The following ARHGEF10 variants were observed in gnomAD, a reference collection of about 807,000 sequenced individuals.
ARHGEF10 encodes Rho guanine nucleotide exchange factor (GEF) 10.
Under a neutral mutation model 147.4 loss-of-function variants are expected in ARHGEF10, and 140 were observed. The ratio of observed to expected loss-of-function variants is 0.95; its 90% CI spans 0.83 to 1.09. The LOEUF is 1.09. Ranked by LOEUF, ARHGEF10 falls within the 50% of genes least tolerant of loss-of-function variation. ARHGEF10 has a pLI of 0.00. For missense variants in ARHGEF10, 2,222 were observed against 1,752.7 expected (o/e 1.27, Z -4.78); for synonymous variants, 902 against 695.8 (o/e 1.30, Z -4.67).
Position 1,876,563 on chromosome 8 carries a change from G to A in ARHGEF10, c.680-8G>A. On this transcript the variant is annotated splice_polypyrimidine_tract_variant and splice_region_variant and intron_variant, in intron 7 of 28. Coordinates refer to ENST00000349830, the MANE Select transcript of ARHGEF10 (RefSeq NM_014629.4). ...GTTTTAATTTCATTTTGGAATTTAT[G>A]CACTCAGATGAAATGATTTATGATG... 6.2e-7 allele frequency: 1 copy of A among 1,613,628 alleles called. No individual in the cohort carries two copies. Among genetic ancestry groups the A allele is most frequent in the Non-Finnish European group, 8.5e-7 (1 of 1,179,480 alleles).
At chr8:1,865,054 A>C (rs562863180) in intron 5 of ARHGEF10, among the ~76,000 whole-genome samples, 10 of 152,386 alleles carry the variant, frequency 6.6e-5, no homozygotes, top group Non-Finnish European at 1.2e-4. Context: ...CAAAAGGATG[A>C]AATTTTTCAA....
chr8:1,835,785 T>C (rs1403560339), intron 1 of ARHGEF10, among the ~76,000 whole-genome samples: 4 of 152,154 alleles, frequency 2.6e-5, no homozygotes, highest in South Asian at 2.1e-4. Flanking sequence ...TAAACACTTA[T>C]AGAAGGTGGG....
intron 7 of ARHGEF10, among the ~76,000 whole-genome samples, chr8:1,874,906 G>T (rs1400580973): frequency 4.2e-5 from 1 of 23,550 alleles, no homozygotes; most frequent in African/African-American, 1.5e-4. Context: ...GGCCGTGTAG[G>T]GGGTACAGGT....
At chr8:1,929,198 T>G in intron 24 of ARHGEF10, 88 bp from the exon 25 acceptor site, 1 of 1,423,320 alleles carries the variant, frequency 7.0e-7, no homozygotes, top group South Asian at 1.2e-5. Flanking sequence ...GAGGGAAGAG[T>G]TGAAATGTTT....
At chr8:1,912,922 G>C (rs1024621471) in intron 18 of ARHGEF10, among the ~76,000 whole-genome samples, 1 of 152,182 alleles carries the variant, frequency 6.6e-6, no homozygotes, top group Non-Finnish European at 1.5e-5. Context: ...GCCTGGTGCA[G>C]CGTCTTTGTT....
chr8:1,910,746 T>C (rs1220187760), intron 18 of ARHGEF10, among the ~76,000 whole-genome samples: 3 of 152,234 alleles, frequency 2.0e-5, no homozygotes, highest in African/African-American at 7.2e-5. Context: ...GAAACATTGA[T>C]TGGCAATCAA....
chr8:1,953,030 C>G (rs1202357885), intron 28 of ARHGEF10, among the ~76,000 whole-genome samples: 1 of 152,200 alleles, frequency 6.6e-6, no homozygotes, highest in Non-Finnish European at 1.5e-5. Flanking sequence ...CTTAGTAGTC[C>G]AAGGAGAATC....
chr8:1,832,303 CAG>C (rs1803164288), intron 1 of ARHGEF10, among the ~76,000 whole-genome samples: 1 of 151,914 alleles, frequency 6.6e-6, no homozygotes, highest in African/African-American at 2.4e-5. Context: ...TTGCTGTGGA[CAG>C]AGAGACAGGC....
chr8:1,863,286 C>T (rs1372368528), intron 4 of ARHGEF10, among the ~76,000 whole-genome samples: 2 of 152,210 alleles, frequency 1.3e-5, no homozygotes, highest in African/African-American at 4.8e-5. Context: ...TCGGGCATCT[C>T]GTGTCTGTTG....
At chr8:1,875,764 G>T (rs1259883901) in intron 7 of ARHGEF10, among the ~76,000 whole-genome samples, 2 of 152,242 alleles carry the variant, frequency 1.3e-5, no homozygotes, top group African/African-American at 2.4e-5. Flanking sequence ...GTGAAAGCAA[G>T]TGTTGGCTTT....
rs748137786 is a variant in ARHGEF10, at chr8:1,909,349, C to T, written c.2022C>T (p.Ser674=). Reference sequence around the variant, plus strand: ...GCCAGAGGTACTTGCTGAAGTGGAGCGTTCCACTGGGACATGTGGACGCCA... The same window carrying T: ...GCCAGAGGTACTTGCTGAAGTGGAGTGTTCCACTGGGACATGTGGACGCCA... ...MSSQRYLLKW[S]VPLGHVDAIE... Residue 674 remains serine (S), a synonymous_variant, in exon 18 of 29, where the codon AGC becomes AGT. Coordinates refer to ENST00000349830, the MANE Select transcript of ARHGEF10 (RefSeq NM_014629.4). 6.2e-6 allele frequency: 10 copies of T among 1,614,082 alleles called. No individual in the cohort carries two copies. The highest frequency in any genetic ancestry group is 1.7e-5 in the Admixed American group (1 of 59,990).
chr8:1,945,971 G>T, intron 27 of ARHGEF10: 1 of 498,166 alleles, frequency 2.0e-6, no homozygotes, highest in South Asian at 2.0e-5. Context: ...TCTCATCATC[G>T]GTGCAACAAG....
At chr8:1,896,930 G>C (rs545360594) in intron 14 of ARHGEF10, among the ~76,000 whole-genome samples, 1 of 152,338 alleles carries the variant, frequency 6.6e-6, no homozygotes, top group Middle Eastern at 3.4e-3. Flanking sequence ...CTCTGACCTG[G>C]CAGTGATGGG....
At chr8:1,854,881 G>A (rs2129066404) in intron 2 of ARHGEF10, among the ~76,000 whole-genome samples, 1 of 152,260 alleles carries the variant, frequency 6.6e-6, no homozygotes, top group African/African-American at 2.4e-5. Flanking sequence ...GAGAACGCAT[G>A]CGGTTCTTCT....
intron 26 of ARHGEF10, among the ~76,000 whole-genome samples, chr8:1,940,246 C>T (rs373566911): frequency 1.3e-5 from 2 of 152,176 alleles, no homozygotes; most frequent in Non-Finnish European, 2.9e-5. Context: ...ATGGAAGTCG[C>T]CTTCCTCTGC....
At chr8:1,896,238 G>A in intron 13 of ARHGEF10, 95 bp from the exon 14 acceptor site, 2 of 908,754 alleles carry the variant, frequency 2.2e-6, no homozygotes, top group Non-Finnish European at 1.9e-6. Flanking sequence ...GACCGAAAGA[G>A]TATTTTGAGG....
In ARHGEF10 at chr8:1,863,126, G is replaced by C. The variant is rs148237282; in HGVS notation, c.482-1247G>C. Among the ~76,000 whole-genome samples, 44 of 152,274 alleles carry C rather than the reference G, an allele frequency of 2.9e-4. No individual in the cohort carries two copies. In the East Asian group the frequency reaches 6.8e-3, roughly 23 times the overall value. ...TTGAGGCAGTGTGGCAGTGTGGGAA[G>C]GGCAGTTTTTGGAGCAGGCAGATTG... On this transcript the variant is annotated intron_variant, in intron 4 of 28. Coordinates refer to ENST00000349830, the MANE Select transcript of ARHGEF10 (RefSeq NM_014629.4).
chr8:1,828,862 CACTT>C (rs1465088870), intron 1 of ARHGEF10, among the ~76,000 whole-genome samples: 2 of 151,988 alleles, frequency 1.3e-5, no homozygotes, highest in Admixed American at 6.6e-5. Context: ...GTGGCATGCG[CACTT>C]ACTGTTTTAT....
intron 27 of ARHGEF10, among the ~76,000 whole-genome samples, chr8:1,951,752 T>G (rs1051075950): frequency 1.3e-5 from 2 of 152,230 alleles, no homozygotes; most frequent in Non-Finnish European, 2.9e-5. Context: ...ACACTGGGGA[T>G]TAGCTTTTCT....
Sources: gnomAD v4.1 joint callset for allele counts (sites outside exome capture counted in the v4.1 genomes callset) on GRCh38, gnomAD v4.1.1 for gene constraint, MANE v1.5 for transcripts, NCBI Gene and HGNC (gene_info 2026-07-23, HGNC 2026-07-21) for gene names.